The following GABRA1 variants were observed in gnomAD, a reference collection of about 807,000 sequenced individuals.
GABRA1 encodes the protein gamma-aminobutyric acid receptor subunit alpha-1.
GABRA1 carries 9 observed loss-of-function variants against 48.9 expected under a neutral mutation model. The ratio of observed to expected loss-of-function variants is 0.18; its 90% confidence interval spans 0.11 to 0.32. The LOEUF is 0.32. GABRA1 is among the 10% of genes least tolerant of loss of function. The pLI is 1.00. For missense variants in GABRA1, 285 were observed against 553.8 expected, an observed-to-expected ratio of 0.51 and a Z score of 4.87; for synonymous variants, 210 against 198.7, an observed-to-expected ratio of 1.06 and a Z score of -0.48.
intron 6 of GABRA1, among the ~76,000 whole-genome samples, chr5:161,876,160 T>C (rs556855061): frequency 6.6e-6 from 1 of 150,590 alleles, no homozygotes; most frequent in Non-Finnish European, 1.5e-5. Flanking sequence ...TTAGCTGATA[T>C]GTGTGTGTAT....
chr5:161,887,207 A>G (rs1377423506), intron 7 of GABRA1, among the ~76,000 whole-genome samples: 1 of 152,176 alleles, frequency 6.6e-6, no homozygotes, highest in Admixed American at 6.5e-5. Context: ...TAATCCTTAA[A>G]AGAGATGACT....
At chr5:161,891,156 T>G in intron 8 of GABRA1, 106 bp downstream of exon 8, 1 of 1,046,674 alleles carries the variant, frequency 9.6e-7, no homozygotes, top group Non-Finnish European at 1.5e-6. Flanking sequence ...ACTCAAATAT[T>G]AAGTTCATAT....
chr5:161,870,241 C>T (rs960197423), intron 4 of GABRA1, among the ~76,000 whole-genome samples: 1 of 152,056 alleles, frequency 6.6e-6, no homozygotes, highest in African/African-American at 2.4e-5. Context: ...TTCTGCTGCT[C>T]GCCTCTCTCT....
intron 7 of GABRA1, among the ~76,000 whole-genome samples, chr5:161,884,758 T>C (rs1651575722): frequency 6.6e-6 from 1 of 152,184 alleles, no homozygotes; most frequent in Admixed American, 6.6e-5. Context: ...GGCATATATG[T>C]ATGAAGTCTC....
intron 4 of GABRA1, among the ~76,000 whole-genome samples, chr5:161,869,160 A>C (rs1448263219): frequency 6.6e-6 from 1 of 152,200 alleles, no homozygotes; most frequent in Non-Finnish European, 1.5e-5. Flanking sequence ...CAGAAAGACA[A>C]AGCTATTTTT....
intron 4 of GABRA1, among the ~76,000 whole-genome samples, chr5:161,869,849 C>T (rs1277309887): frequency 6.6e-6 from 1 of 152,130 alleles, no homozygotes; most frequent in African/African-American, 2.4e-5. Flanking sequence ...CTCTCTTCCA[C>T]GGAGTCCCCT....
rs189830547 is a variant in GABRA1 at position 161,855,690 on chromosome 5, C to T, written c.187+1420C>T. ...AATTTGCGATAAATTACAAAACTAG[C>T]TAGATGAGGAATGTATGAAAAGAAG... On this transcript the variant is annotated intron_variant, in intron 3 of 9. Coordinates refer to ENST00000393943, the MANE Select transcript of GABRA1 (RefSeq NM_001127644.2). Among the ~76,000 whole-genome samples the T allele has an allele frequency of 6.0e-4, 90 of 151,196 alleles. No individual in the cohort carries two copies. The East Asian group carries it at 8.7e-3, about 15-fold the overall frequency.
intron 3 of GABRA1, among the ~76,000 whole-genome samples, chr5:161,855,176 A>G (rs1018403882): frequency 2.6e-5 from 4 of 151,654 alleles, no homozygotes; most frequent in Non-Finnish European, 5.9e-5. Flanking sequence ...ATTAAATGGC[A>G]ATATTAAGAC....
In GABRA1 at chr5:161,897,747, T is replaced by A. The variant is rs76047934; in HGVS notation, c.*325T>A. 37 of 249,184 alleles carry A rather than the reference T, an allele frequency of 1.5e-4. No individual in the cohort carries two copies. In the East Asian group the frequency reaches 3.5e-3, roughly 24 times the overall value. The allele number at this position is 249,184 out of a possible 1,614,324, so 15.4% of individuals were successfully genotyped here. A position where few individuals can be genotyped will look rare whatever the true frequency, so the allele number is the denominator to read the frequency against. ...AAAAATAACACTTAACTAAAACCCC[T>A]AGGTCATTTGTAGATATATATTTCC... is the stretch of plus-strand genomic sequence containing the variant. On this transcript the variant is annotated 3_prime_UTR_variant, in exon 10 of 10. Coordinates refer to ENST00000393943, the MANE Select transcript of GABRA1 (RefSeq NM_001127644.2).
intron 3 of GABRA1, among the ~76,000 whole-genome samples, chr5:161,855,913 A>G (rs1405695418): frequency 6.6e-6 from 1 of 151,380 alleles, no homozygotes; most frequent in Non-Finnish European, 1.5e-5. Flanking sequence ...TTTGGCATGT[A>G]AATATGAGTA....
chr5:161,849,262 G>A (rs1757345632), intron 1 of GABRA1, among the ~76,000 whole-genome samples: 1 of 152,122 alleles, frequency 6.6e-6, no homozygotes, highest in East Asian at 1.9e-4. Context: ...TACCCATTCA[G>A]ATATTCAATC....
chr5:161,892,702 A>C (rs1055022208), intron 8 of GABRA1, among the ~76,000 whole-genome samples: 5 of 145,060 alleles, frequency 3.4e-5, no homozygotes, highest in South Asian at 2.2e-4. Flanking sequence ...AACAAACAAA[A>C]ACAAACAAAA....
Position 161,897,326 on chromosome 5 carries a change from A to T in GABRA1, c.1275A>T (p.Ile425=). 1 of 1,614,188 alleles carries T rather than the reference A, an allele frequency of 6.2e-7. No individual in the cohort carries two copies. Among genetic ancestry groups the T allele is most frequent in the Non-Finnish European group, 8.5e-7 (1 of 1,180,010 alleles). The change falls in exon 10 of 10, where the codon ATA becomes ATT. Residue 425 remains isoleucine (I), a synonymous_variant. Transcript: ENST00000393943. ...GCAAAATTGACCGACTGTCAAGAAT[A>T]GCCTTCCCGCTGCTATTTGGAATCT... ...SVSKIDRLSR[I]AFPLLFGIFN...
In GABRA1 at chr5:161,897,533, T is replaced by A. The variant is rs927557369; in HGVS notation, c.*111T>A. 23 of 1,058,634 alleles carry A rather than the reference T, an allele frequency of 2.2e-5. No individual in the cohort carries two copies. Among genetic ancestry groups the A allele is most frequent in the Non-Finnish European group, 3.1e-5 (22 of 707,974 alleles). The allele number at this position is 1,058,634 out of a possible 1,614,324, so 65.6% of individuals were successfully genotyped here. The stretch of plus-strand genomic sequence containing the variant: ...GCCTCTGTCTTAAAGAATTTGAAAG[T>A]TTCCTTATTTTCATAATTCATTTAA... On this transcript the variant is annotated 3_prime_UTR_variant, in exon 10 of 10. Transcript: ENST00000393943.
At chr5:161,863,986 G>T (rs935329016) in intron 3 of GABRA1, among the ~76,000 whole-genome samples, 1 of 151,698 alleles carries the variant, frequency 6.6e-6, no homozygotes, top group Non-Finnish European at 1.5e-5. Flanking sequence ...CCCCCTTGCT[G>T]CCCCGCCACT....
At chr5:161,888,955 C>T (rs1369603081) in intron 7 of GABRA1, among the ~76,000 whole-genome samples, 1 of 151,990 alleles carries the variant, frequency 6.6e-6, no homozygotes, top group Admixed American at 6.6e-5. Flanking sequence ...TATGGCCGGT[C>T]ATGCTACATA....
chr5:161,868,369 G>T (rs901194784), intron 4 of GABRA1, among the ~76,000 whole-genome samples: 16 of 152,028 alleles, frequency 1.1e-4, no homozygotes, highest in African/African-American at 3.9e-4. Context: ...TAGGCAGCCA[G>T]CAGCCAAATG....
At chr5:161,851,634 A>G (rs1757449468) in intron 2 of GABRA1, among the ~76,000 whole-genome samples, 1 of 152,160 alleles carries the variant, frequency 6.6e-6, no homozygotes, top group African/African-American at 2.4e-5. Flanking sequence ...GGTCAGACAT[A>G]TAATAAAAAC....
rs1754305977 is a variant in GABRA1, at chr5:161,875,474, T to C, written c.477-86T>C. ...ATTATGCCTTCTTTGTTAATATATT[T>C]GCTACAGTTAATAACATTCCACTTG... is the stretch of plus-strand genomic sequence containing the variant. On this transcript the variant is annotated intron_variant, in intron 5 of 9. Coordinates refer to ENST00000393943, the MANE Select transcript of GABRA1 (RefSeq NM_001127644.2). 6 of 1,036,662 alleles carry C rather than the reference T, an allele frequency of 5.8e-6. No homozygotes were observed. In the Admixed American group the frequency reaches 6.8e-5, roughly 12 times the overall value. 64.2% of individuals were successfully genotyped at this position (1,036,662 alleles called of 1,614,324 possible).
Sources: allele counts gnomAD v4.1 joint callset (sites outside exome capture counted in the v4.1 genomes callset), GRCh38; gene constraint gnomAD v4.1.1; transcripts MANE v1.5; gene names NCBI Gene and HGNC (gene_info 2026-07-23, HGNC 2026-07-21).